PM20D2: variants seen among roughly 807,000 people sequenced by gnomAD.
PM20D2 encodes the protein peptidase M20 domain containing 2.
In PM20D2, 33 loss-of-function variants were observed where a neutral mutation model predicts 42.9. That is an observed-to-expected ratio of 0.77 (90% confidence interval 0.58 to 1.03). PM20D2 has a LOEUF of 1.03. Ranked by LOEUF, PM20D2 falls within the 50% of genes least tolerant of loss-of-function variation. The pLI is 0.00. For missense variants in PM20D2, 548 were observed against 557.0 expected (o/e 0.98, Z 0.16); for synonymous variants, 250 against 228.2 (o/e 1.10, Z -0.86).
intron 4 of PM20D2, among the ~76,000 whole-genome samples, chr6:89,157,032 A>T (rs1012693933): frequency 2.0e-4 from 30 of 152,284 alleles, no homozygotes; most frequent in Non-Finnish European, 3.8e-4. Flanking sequence ...CAAGGTATAC[A>T]GTATTCCCTT....
chr6:89,125,902 A>G, the PM20D2 span, among the ~76,000 whole-genome samples: 3 of 151,998 alleles, frequency 2.0e-5, no homozygotes, highest in Non-Finnish European at 4.4e-5. Flanking sequence ...CCTGGCCAAC[A>G]TGGCAAAACC....
chr6:89,094,389 T>G, the PM20D2 span, among the ~76,000 whole-genome samples: 1 of 151,924 alleles, frequency 6.6e-6, no homozygotes, highest in Non-Finnish European at 1.5e-5. Context: ...CTGGCTAATT[T>G]TTGTATTTTA....
the PM20D2 span, chr6:89,117,745 G>C: frequency 2.9e-6 from 4 of 1,402,438 alleles, no homozygotes; most frequent in Non-Finnish European, 3.8e-6. Context: ...GCCTCCGCCG[G>C]GCCTCGGCCG....
chr6:89,142,220 G>A (rs762261338), upstream of PM20D2, among the ~76,000 whole-genome samples: 2 of 152,148 alleles, frequency 1.3e-5, no homozygotes, highest in Non-Finnish European at 2.9e-5. Flanking sequence ...TTAGTTGTCT[G>A]CTTTCTGCCA....
chr6:89,112,695 A>G, the PM20D2 span, among the ~76,000 whole-genome samples: 1 of 152,002 alleles, frequency 6.6e-6, no homozygotes, highest in Non-Finnish European at 1.5e-5. Context: ...TACAAGCATA[A>G]GCCACTGAGC....
Position 89,158,458 on chromosome 6 carries a change from C to A in PM20D2, c.1046C>A (p.Ser349Ter). ...GAAGATACAATGTTGAATGGCCCTT[C>A]AGGTAATTAAGTGTTTTTTTATATA... ...ISEDTMLNGPSGSTDFGNVSF... is the reference protein window; with the variant it reads ...ISEDTMLNGP The change falls in exon 5 of 7, where the codon TCA (serine) becomes TAA (stop). Residue 349 changes from serine to a stop codon, truncating the protein, a stop_gained and splice_region_variant. Transcript: ENST00000275072. LOFTEE classifies it high-confidence loss of function. 6.3e-7 allele frequency: 1 copy of A among 1,588,762 alleles called. No homozygotes were observed. The highest frequency in any genetic ancestry group is 1.1e-5 in the South Asian group (1 of 88,094).
the PM20D2 span, among the ~76,000 whole-genome samples, chr6:89,130,819 C>CTTTTTTTTTTTTTTTTTTTTTTTTT: frequency 2.1e-4 from 5 of 24,056 alleles, 1 homozygote; most frequent in African/African-American, 5.7e-4. Context: ...GCTTCTTCTT[C>CTTTTTTTTTTTTTTTTTTTTTTTTT]TTTTTTTTTT....
chr6:89,143,741 G>A (rs139856500), upstream of PM20D2, among the ~76,000 whole-genome samples: 969 of 152,288 alleles, frequency 6.4e-3, 10 homozygotes, highest in Admixed American at 0.03. Context: ...GAATTTATGA[G>A]CTGACCAGAT....
chr6:89,098,829 G>A, the PM20D2 span: 10 of 1,613,732 alleles, frequency 6.2e-6, no homozygotes, highest in East Asian at 2.2e-5. Context: ...GACCTTGACC[G>A]TCCTCTAGAG....
At chr6:89,136,673 G>A in the PM20D2 span, among the ~76,000 whole-genome samples, 5 of 150,340 alleles carry the variant, frequency 3.3e-5, no homozygotes, top group East Asian at 1.9e-4. Context: ...GCTAGACTCC[G>A]TCTCAAAAAA....
intron 4 of PM20D2, among the ~76,000 whole-genome samples, 193 bp from the exon 5 acceptor site, chr6:89,158,132 G>A (rs1255309280): frequency 1.3e-5 from 2 of 152,138 alleles, no homozygotes; most frequent in Non-Finnish European, 2.9e-5. Flanking sequence ...ATAAAAGAGA[G>A]TCCTAGGAAC....
At chr6:89,130,810 C>CTGCTGCTGCTTTTTT in the PM20D2 span, among the ~76,000 whole-genome samples, 1 of 57,626 alleles carries the variant, frequency 1.7e-5, no homozygotes, top group African/African-American at 6.9e-5. Context: ...TTGTATCTGG[C>CTGCTGCTGCTTTTTT]TTCTTCTTCT....
the PM20D2 span, among the ~76,000 whole-genome samples, chr6:89,135,839 C>T: frequency 6.6e-6 from 1 of 151,228 alleles, no homozygotes; most frequent in Non-Finnish European, 1.5e-5. Flanking sequence ...AACAGTTTTA[C>T]ATATCTGGTG....
chr6:89,108,816 T>G, the PM20D2 span, among the ~76,000 whole-genome samples: 1 of 152,194 alleles, frequency 6.6e-6, no homozygotes, highest in South Asian at 2.1e-4. Flanking sequence ...ATTAATATAA[T>G]TATTAGAAGC....
At chr6:89,104,223 CT>C in the PM20D2 span, among the ~76,000 whole-genome samples, 228 of 123,540 alleles carry the variant, frequency 1.8e-3, 1 homozygote, top group African/African-American at 5.5e-3. Context: ...AACTCATCAC[CT>C]TTTTTTTTTT....
At chr6:89,150,531 CTTTTTT>C (rs753768538) in intron 2 of PM20D2, among the ~76,000 whole-genome samples, 15 of 59,424 alleles carry the variant, frequency 2.5e-4, no homozygotes, top group Non-Finnish European at 4.4e-4. Context: ...CTGATCATCT[CTTTTTT>C]TTTTTTTTTT....
At chr6:89,111,108 TC>T in the PM20D2 span, among the ~76,000 whole-genome samples, 9,367 of 150,520 alleles carry the variant, frequency 0.062, 839 homozygotes, top group African/African-American at 0.2. Flanking sequence ...GTGAGACTTG[TC>T]TTTTTTTTTT....
the PM20D2 span, among the ~76,000 whole-genome samples, chr6:89,117,006 T>C: frequency 6.6e-6 from 1 of 151,998 alleles, no homozygotes; most frequent in African/African-American, 2.4e-5. Context: ...CCCAGTGAAA[T>C]GAGAATGTCT....
chr6:89,138,577 C>T, the PM20D2 span, among the ~76,000 whole-genome samples: 22 of 152,162 alleles, frequency 1.4e-4, no homozygotes, highest in East Asian at 3.5e-3. Flanking sequence ...AATTAAATAT[C>T]TCTATCAGTC....
Sources: allele counts gnomAD v4.1 joint callset (sites outside exome capture counted in the v4.1 genomes callset), GRCh38; gene constraint gnomAD v4.1.1; transcripts MANE v1.5; gene names NCBI Gene and HGNC (gene_info 2026-07-23, HGNC 2026-07-21).